TNFSF4: variants seen among roughly 807,000 people sequenced by gnomAD.
TNFSF4 encodes the protein TNF superfamily member 4, also known as tumor necrosis factor ligand superfamily member 4.
Under a neutral mutation model 7.3 loss-of-function variants are expected in TNFSF4, and 4 were observed. The observed-to-expected ratio is 0.55, with a 90% CI of 0.27 to 1.25. The LOEUF is 1.25. Ranked by LOEUF, TNFSF4 falls within the 50% of genes most tolerant of loss-of-function variation. The pLI, the probability that TNFSF4 is intolerant of heterozygous loss-of-function variation, is 0.12. For missense variants in TNFSF4, 181 were observed against 208.8 expected, an observed-to-expected ratio of 0.87 and a Z score of 0.82; for synonymous variants, 76 against 83.7, an observed-to-expected ratio of 0.91 and a Z score of 0.50.
chr1:173,426,712 G>A, the TNFSF4 span, among the ~76,000 whole-genome samples: 28 of 151,926 alleles, frequency 1.8e-4, no homozygotes, highest in Non-Finnish European at 2.6e-4. Context: ...CTCCCACCTC[G>A]GCCCCGAGTA....
At chr1:173,178,662 G>A in the TNFSF4 span, among the ~76,000 whole-genome samples, 1 of 152,262 alleles carries the variant, frequency 6.6e-6, no homozygotes, top group South Asian at 2.1e-4. Flanking sequence ...CTTTTCTCAT[G>A]TATTTAAAAT....
chr1:173,207,345 G>T, upstream of TNFSF4: 4 of 524,028 alleles, frequency 7.6e-6, no homozygotes, highest in Non-Finnish European at 1.3e-5. Flanking sequence ...GAGCAAAGCG[G>T]ACTCTCTCAG....
At chr1:173,410,299 C>T in the TNFSF4 span, among the ~76,000 whole-genome samples, 1 of 152,184 alleles carries the variant, frequency 6.6e-6, no homozygotes, top group African/African-American at 2.4e-5. Flanking sequence ...ATGATGACAG[C>T]TGTCACAGTT....
the TNFSF4 span, among the ~76,000 whole-genome samples, chr1:173,411,476 C>T: frequency 3.0e-3 from 451 of 152,322 alleles, 1 homozygote; most frequent in Middle Eastern, 0.014. Context: ...TGTCATCTTG[C>T]AGCAGAAGAG....
chr1:173,301,997 G>A, the TNFSF4 span, among the ~76,000 whole-genome samples: 12 of 151,720 alleles, frequency 7.9e-5, no homozygotes, highest in Non-Finnish European at 1.6e-4. Context: ...GAATTTATGG[G>A]AGAAAAAAAG....
chr1:173,220,932 C>T, the TNFSF4 span, among the ~76,000 whole-genome samples: 1 of 152,108 alleles, frequency 6.6e-6, no homozygotes, highest in Non-Finnish European at 1.5e-5. Flanking sequence ...AAACCCAAAA[C>T]CCACAGAGTA....
chr1:173,274,325 G>C, the TNFSF4 span, among the ~76,000 whole-genome samples: 1 of 152,068 alleles, frequency 6.6e-6, no homozygotes, highest in Non-Finnish European at 1.5e-5. Flanking sequence ...TTCTCCTTTT[G>C]AGGTCTTTAC....
At chr1:173,432,035 A>G in the TNFSF4 span, among the ~76,000 whole-genome samples, 2 of 152,364 alleles carry the variant, frequency 1.3e-5, no homozygotes, top group African/African-American at 4.8e-5. Flanking sequence ...TTAAGGATTG[A>G]CAACTAATAC....
At chr1:173,392,504 CTATTATTTG>C in the TNFSF4 span, among the ~76,000 whole-genome samples, 1 of 152,166 alleles carries the variant, frequency 6.6e-6, no homozygotes, top group South Asian at 2.1e-4. Context: ...CAACTGGTAA[CTATTATTTG>C]TATTACTAAC....
the TNFSF4 span, among the ~76,000 whole-genome samples, chr1:173,255,431 CT>C: frequency 2.0e-5 from 3 of 152,168 alleles, no homozygotes; most frequent in Admixed American, 6.5e-5. Context: ...CATCTCCTTT[CT>C]TTCCAGTCCC....
At chr1:173,391,658 G>C in the TNFSF4 span, among the ~76,000 whole-genome samples, 4 of 151,858 alleles carry the variant, frequency 2.6e-5, no homozygotes, top group Non-Finnish European at 5.9e-5. Context: ...CTACATTTCT[G>C]ATTCCTCCTC....
chr1:173,328,538 C>T, the TNFSF4 span, among the ~76,000 whole-genome samples: 2 of 148,934 alleles, frequency 1.3e-5, no homozygotes, highest in South Asian at 2.1e-4. Context: ...AGTTTATCTT[C>T]GTAATAAAAA....
chr1:173,419,908 G>T, the TNFSF4 span, among the ~76,000 whole-genome samples: 85 of 152,066 alleles, frequency 5.6e-4, no homozygotes, highest in Middle Eastern at 0.01. Context: ...TGTGTGGCGG[G>T]GGGGGGGATG....
intron 1 of TNFSF4, among the ~76,000 whole-genome samples, chr1:173,194,734 AT>A (rs1304009649): frequency 9.2e-5 from 14 of 151,996 alleles, no homozygotes; most frequent in Admixed American, 2.0e-4. Context: ...AAATAAAAAA[AT>A]AATAAAAAAA....
At chr1:173,372,197 G>A in the TNFSF4 span, among the ~76,000 whole-genome samples, 23 of 152,282 alleles carry the variant, frequency 1.5e-4, 1 homozygote, top group African/African-American at 5.5e-4. Flanking sequence ...AGCCTATACT[G>A]GCTTGTCCTC....
chr1:173,323,880 G>A, the TNFSF4 span, among the ~76,000 whole-genome samples: 4 of 152,298 alleles, frequency 2.6e-5, no homozygotes, highest in South Asian at 2.1e-4. Context: ...CCAAATCTAC[G>A]TCTAATTGGT....
the TNFSF4 span, among the ~76,000 whole-genome samples, chr1:173,426,718 G>A: frequency 2.4e-3 from 363 of 152,114 alleles, 3 homozygotes; most frequent in African/African-American, 8.5e-3. Context: ...CCTCGGCCCC[G>A]AGTAGCTGGG....
the TNFSF4 span, among the ~76,000 whole-genome samples, chr1:173,380,553 A>C: frequency 6.6e-6 from 1 of 152,090 alleles, no homozygotes; most frequent in African/African-American, 2.4e-5. Context: ...CCTGCTTAAC[A>C]AACAGTCCAG....
chr1:173,437,439 A>C, the TNFSF4 span, among the ~76,000 whole-genome samples: 1 of 152,210 alleles, frequency 6.6e-6, no homozygotes, highest in African/African-American at 2.4e-5. Context: ...TTATATAACC[A>C]GTTCTATCAG....
Sources: gnomAD v4.1 joint callset for allele counts (sites outside exome capture counted in the v4.1 genomes callset) on GRCh38, gnomAD v4.1.1 for gene constraint, MANE v1.5 for transcripts, NCBI Gene and HGNC (gene_info 2026-07-23, HGNC 2026-07-21) for gene names.